HNRNPLL: variants seen among roughly 807,000 people sequenced by gnomAD.
HNRNPLL encodes heterogeneous nuclear ribonucleoprotein L-like.
HNRNPLL carries 25 observed loss-of-function variants against 67.1 expected under a neutral mutation model. The observed-to-expected ratio is 0.37, with a 90% CI of 0.27 to 0.52. The LOEUF is 0.52. Ranked by LOEUF, HNRNPLL falls within the 20% of genes least tolerant of loss-of-function variation. HNRNPLL has a pLI of 0.90. For missense variants in HNRNPLL, 542 were observed against 673.9 expected (o/e 0.80, Z 2.17); for synonymous variants, 267 against 241.7 (o/e 1.10, Z -0.97).
rs1395110476 is a variant in HNRNPLL at position 38,577,605 on chromosome 2, AC to A, written c.803-74del. On this transcript the variant is annotated intron_variant, in intron 6 of 12. Coordinates refer to ENST00000449105, the MANE Select transcript of HNRNPLL (RefSeq NM_138394.4). ...TTAATGGAGTTCTCAGATGGGAAAC[AC>A]CCATTCAAAACATCCAATACAACAA... 3 of 876,366 alleles carry A rather than the reference AC, an allele frequency of 3.4e-6. No individual in the cohort carries two copies. In the African/African-American group the frequency reaches 5.0e-5, roughly 15 times the overall value. The allele number at this position is 876,366 out of a possible 1,614,324, so 54.3% of individuals were successfully genotyped here.
chr2:38,564,261 A>C, intron 12 of HNRNPLL, 24 bp from the exon 13 acceptor site: 4 of 1,332,072 alleles, frequency 3.0e-6, no homozygotes, highest in Non-Finnish European at 4.3e-6. Context: ...AAAACAGTTA[A>C]TATTTCACTT....
chr2:38,587,393 C>G (rs1666778612), intron 2 of HNRNPLL, among the ~76,000 whole-genome samples: 1 of 152,170 alleles, frequency 6.6e-6, no homozygotes, highest in Admixed American at 6.5e-5. Flanking sequence ...CCTCATTCAT[C>G]TTTCTGTCCT....
chr2:38,582,617 T>A (rs1573739947), intron 4 of HNRNPLL, among the ~76,000 whole-genome samples: 1 of 151,468 alleles, frequency 6.6e-6, no homozygotes, highest in East Asian at 2.0e-4. Context: ...GCCAGGAGAA[T>A]TTATTTTTAA....
Position 38,564,094 on chromosome 2 carries a change from G to A in HNRNPLL, c.*88C>T. On this transcript the variant is annotated 3_prime_UTR_variant, in exon 13 of 13. Coordinates refer to ENST00000449105, the MANE Select transcript of HNRNPLL (RefSeq NM_138394.4). ...TCTTAAAGTAAGCAAGGCAACATGA[G>A]ATCAACCATTTTAGATTTTTTTTTA... 1 of 841,930 alleles carries A rather than the reference G, an allele frequency of 1.2e-6. No homozygotes were observed. The highest frequency in any genetic ancestry group is 1.4e-5 in the South Asian group (1 of 71,194). The allele number at this position is 841,930 out of a possible 1,614,324, so 52.2% of individuals were successfully genotyped here.
intron 6 of HNRNPLL, among the ~76,000 whole-genome samples, chr2:38,580,622 G>A (rs889011508): frequency 6.6e-6 from 1 of 152,104 alleles, no homozygotes; most frequent in Non-Finnish European, 1.5e-5. Flanking sequence ...CACTGATATT[G>A]TAGTTAAGAT....
intron 8 of HNRNPLL, among the ~76,000 whole-genome samples, 197 bp from the exon 9 acceptor site, chr2:38,570,122 C>G (rs1423689692): frequency 2.0e-5 from 3 of 152,172 alleles, no homozygotes; most frequent in Non-Finnish European, 4.4e-5. Flanking sequence ...TATTGTATAG[C>G]CCACTGAAGA....
In HNRNPLL at chr2:38,573,192, A is replaced by C. The variant is rs3765001; in HGVS notation, c.1092+18T>G. On this transcript the variant is annotated intron_variant, in intron 8 of 12. Coordinates refer to ENST00000449105, the MANE Select transcript of HNRNPLL (RefSeq NM_138394.4). The stretch of plus-strand genomic sequence containing the variant: ...CTGAATATCCTAGCAAAAGAAACCA[A>C]TATAAAGAGAAACTTACCTTCTCAA... 6.5e-7 allele frequency: 1 copy of C among 1,530,282 alleles called. No homozygotes were observed. The highest frequency in any genetic ancestry group is 8.9e-7 in the Non-Finnish European group (1 of 1,119,870). The allele number at this position is 1,530,282 out of a possible 1,614,324, so 94.8% of individuals were successfully genotyped here. A position where few individuals can be genotyped will look rare whatever the true frequency, so the allele number is the denominator to read the frequency against.
Position 38,568,315 on chromosome 2 carries a change from A to G in HNRNPLL, c.1475-18T>C. 2 of 1,609,350 alleles carry G rather than the reference A, an allele frequency of 1.2e-6. No homozygotes were observed. Among genetic ancestry groups the G allele is most frequent in the Non-Finnish European group, 1.7e-6 (2 of 1,176,028 alleles). ...GGCTGAAGCTAAAACAAAAAAACAC[A>G]AACTCAGTTATTATTACTTGCTTAT... On this transcript the variant is annotated intron_variant, in intron 11 of 12. Transcript: ENST00000449105.
intron 8 of HNRNPLL, 79 bp downstream of exon 8, chr2:38,573,131 A>T: frequency 1.1e-6 from 1 of 880,114 alleles, no homozygotes; most frequent in East Asian, 2.6e-5. Context: ...TGATACAAGG[A>T]GAAGACACAT....
At chr2:38,565,237 A>G (rs1212728448) in intron 12 of HNRNPLL, among the ~76,000 whole-genome samples, 1 of 152,214 alleles carries the variant, frequency 6.6e-6, no homozygotes, top group East Asian at 1.9e-4. Flanking sequence ...ACAAGTGTGT[A>G]CAAGACACTG....
At chr2:38,589,619 G>A (rs748249925) in intron 2 of HNRNPLL, among the ~76,000 whole-genome samples, 5 of 152,042 alleles carry the variant, frequency 3.3e-5, no homozygotes, top group African/African-American at 1.2e-4. Flanking sequence ...ATTCACATAC[G>A]GTAGACTTTA....
intron 1 of HNRNPLL, 91 bp from the exon 2 acceptor site, chr2:38,591,739 G>A: frequency 1.4e-6 from 1 of 711,156 alleles, no homozygotes; most frequent in Non-Finnish European, 2.4e-6. Flanking sequence ...ACTTTGGGAG[G>A]TCAAAGTGGG....
chr2:38,590,395 C>A (rs781548411), intron 2 of HNRNPLL, among the ~76,000 whole-genome samples: 1 of 152,080 alleles, frequency 6.6e-6, no homozygotes, highest in Non-Finnish European at 1.5e-5. Context: ...TCTCAGAAAA[C>A]ACACTGAAAT....
At chr2:38,579,833 T>C (rs1666451770) in intron 6 of HNRNPLL, among the ~76,000 whole-genome samples, 1 of 152,072 alleles carries the variant, frequency 6.6e-6, no homozygotes, top group African/African-American at 2.4e-5. Context: ...GAGTGCAAGC[T>C]AAGAGCTCTA....
chr2:38,579,612 T>A (rs1156708118), intron 6 of HNRNPLL, among the ~76,000 whole-genome samples: 1 of 151,972 alleles, frequency 6.6e-6, no homozygotes, highest in Non-Finnish European at 1.5e-5. Context: ...GATGCACCTA[T>A]CTACTACAGG....
At chr2:38,564,557 T>G (rs903162333) in intron 12 of HNRNPLL, among the ~76,000 whole-genome samples, 1 of 145,078 alleles carries the variant, frequency 6.9e-6, no homozygotes. Context: ...GAGGTGGAGG[T>G]TGCAGCAAGC....
intron 7 of HNRNPLL, 24 bp downstream of exon 7, chr2:38,577,437 C>T (rs979543714): frequency 1.4e-6 from 2 of 1,443,836 alleles, no homozygotes; most frequent in Admixed American, 1.7e-5. Flanking sequence ...TCTATACTAC[C>T]TTCTTTCTAC....
In HNRNPLL at chr2:38,582,237, G is replaced by A. The variant is rs1666557085; in HGVS notation, c.633-69C>T. On this transcript the variant is annotated intron_variant, in intron 4 of 12. Coordinates refer to ENST00000449105, the MANE Select transcript of HNRNPLL (RefSeq NM_138394.4). The stretch of plus-strand genomic sequence containing the variant: ...AATCATTATTCACTCCCAAAGGACA[G>A]GATTGAAAATAATCAGAAGTAGCTC... 5 of 997,772 alleles carry A rather than the reference G, an allele frequency of 5.0e-6. No individual in the cohort carries two copies. In the South Asian group the frequency reaches 6.5e-5, roughly 13 times the overall value. The allele number at this position is 997,772 out of a possible 1,614,324, so 61.8% of individuals were successfully genotyped here. A position where few individuals can be genotyped will look rare whatever the true frequency, so the allele number is the denominator to read the frequency against.
At chr2:38,578,335 A>AT (rs1666382197) in intron 6 of HNRNPLL, among the ~76,000 whole-genome samples, 1 of 152,228 alleles carries the variant, frequency 6.6e-6, no homozygotes, top group African/African-American at 2.4e-5. Flanking sequence ...AAAATTATTT[A>AT]TAAGTTTCTA....
Sources: gnomAD v4.1 joint callset for allele counts (sites outside exome capture counted in the v4.1 genomes callset) on GRCh38, gnomAD v4.1.1 for gene constraint, MANE v1.5 for transcripts, NCBI Gene and HGNC (gene_info 2026-07-23, HGNC 2026-07-21) for gene names.